Variants in ABHD12 observed in about 807,000 individuals in gnomAD.
ABHD12 encodes lysophosphatidylserine lipase ABHD12.
In ABHD12, 43 loss-of-function variants were observed where a neutral mutation model predicts 58.3. That is an observed-to-expected ratio of 0.74 (90% CI 0.58 to 0.95). The LOEUF is 0.95. ABHD12 is among the 40% of genes least tolerant of loss of function. The pLI is 0.00. For missense variants in ABHD12, 539 were observed against 537.2 expected (o/e 1.00, Z -0.03); for synonymous variants, 219 against 211.2 (o/e 1.04, Z -0.32).
intron 1 of ABHD12, among the ~76,000 whole-genome samples, chr20:25,376,602 C>G (rs917204957): frequency 2.0e-5 from 3 of 152,186 alleles, no homozygotes; most frequent in African/African-American, 7.2e-5. Flanking sequence ...AGCCACATAA[C>G]CTTACCTTGC....
downstream of ABHD12, chr20:25,295,556 G>A (rs1043777966): frequency 1.3e-6 from 2 of 1,571,364 alleles, no homozygotes; most frequent in African/African-American, 2.7e-5. Flanking sequence ...GGACAGTGTG[G>A]GCAGGGCTCC....
chr20:25,347,273 T>C lies in ABHD12; in HGVS notation c.192-7922A>G, dbSNP rs577348199. Reference sequence around the variant, plus strand: ...TCATAAGGGACAGGAGTTTGTCATCTGGAAATACTGCCAGCATGCTGTTTT... The same window carrying C: ...TCATAAGGGACAGGAGTTTGTCATCCGGAAATACTGCCAGCATGCTGTTTT... On this transcript the variant is annotated intron_variant, in intron 1 of 12. Transcript: ENST00000339157. 4.9e-4 allele frequency among the ~76,000 whole-genome samples: 74 copies of C among 152,328 alleles called. 1 individual carries two copies. Among genetic ancestry groups the C allele is most frequent in the African/African-American group, 1.7e-3 (70 of 41,572 alleles).
intron 1 of ABHD12, among the ~76,000 whole-genome samples, chr20:25,344,838 A>G (rs1398899322): frequency 6.6e-6 from 1 of 152,218 alleles, no homozygotes; most frequent in African/African-American, 2.4e-5. Context: ...AAATAGACCC[A>G]CATAACTATA....
intron 1 of ABHD12, among the ~76,000 whole-genome samples, chr20:25,353,910 C>T (rs1388761274): frequency 6.6e-6 from 1 of 152,124 alleles, no homozygotes; most frequent in Non-Finnish European, 1.5e-5. Flanking sequence ...ACTAACGTGC[C>T]ACCACCTGCA....
At chr20:25,312,997 C>G (rs1357645669) in intron 6 of ABHD12, among the ~76,000 whole-genome samples, 2 of 151,934 alleles carry the variant, frequency 1.3e-5, no homozygotes, top group African/African-American at 4.8e-5. Flanking sequence ...GCCACCCCGT[C>G]TGGGAGGTGG....
chr20:25,356,114 T>A (rs555151742), intron 1 of ABHD12, among the ~76,000 whole-genome samples: 1 of 152,316 alleles, frequency 6.6e-6, no homozygotes, highest in Admixed American at 6.5e-5. Flanking sequence ...TTGGTGGTGA[T>A]GAAGAAGGGC....
chr20:25,370,695 C>T (rs754812751), intron 1 of ABHD12, among the ~76,000 whole-genome samples: 2 of 152,148 alleles, frequency 1.3e-5, no homozygotes, highest in Non-Finnish European at 2.9e-5. Flanking sequence ...CATGCCTTGG[C>T]TTCCTCATCT....
intron 1 of ABHD12, among the ~76,000 whole-genome samples, chr20:25,383,162 C>A: frequency 6.6e-6 from 1 of 152,166 alleles, no homozygotes; most frequent in East Asian, 1.9e-4. Flanking sequence ...TGATACTGAA[C>A]CTCGGGAAGG....
rs2146160499 is a variant in ABHD12 at position 25,390,477 on chromosome 20, G to GGGCCCCCC, written c.191+35_191+36insGGGGGGCC. 42 of 102,740 alleles carry GGGCCCCCC rather than the reference G, an allele frequency of 4.1e-4. No homozygotes were observed. In the East Asian group the frequency reaches 8.4e-3, roughly 21 times the overall value. 6.4% of individuals were successfully genotyped at this position (102,740 alleles called of 1,614,324 possible). ...CGCACCTGCGCAAAGTGAGGGACCG[G>GGGCCCCCC]CCCCCCCCCCCCCCCCGCTCCGCGC... On this transcript the variant is annotated intron_variant, in intron 1 of 12. Coordinates refer to ENST00000339157, the MANE Select transcript of ABHD12 (RefSeq NM_001042472.3).
intron 2 of ABHD12, 56 bp from the exon 3 acceptor site, chr20:25,323,486 T>C: frequency 1.8e-6 from 2 of 1,113,024 alleles, no homozygotes; most frequent in Non-Finnish European, 1.4e-6. Context: ...TACACACATG[T>C]ACACACAAAC....
At chr20:25,343,553 C>T (rs1486546958) in intron 1 of ABHD12, among the ~76,000 whole-genome samples, 1 of 152,164 alleles carries the variant, frequency 6.6e-6, no homozygotes, top group Non-Finnish European at 1.5e-5. Flanking sequence ...GCCTGTAATT[C>T]CAGCACTTTG....
At chr20:25,376,252 G>C (rs1238500238) in intron 1 of ABHD12, among the ~76,000 whole-genome samples, 2 of 152,216 alleles carry the variant, frequency 1.3e-5, no homozygotes, top group African/African-American at 4.8e-5. Context: ...GAAGGAACAA[G>C]AGAGTAACGC....
intron 6 of ABHD12, among the ~76,000 whole-genome samples, chr20:25,312,415 G>A (rs552215656): frequency 2.0e-5 from 3 of 152,284 alleles, no homozygotes; most frequent in Admixed American, 2.0e-4. Context: ...TCCTAACCGC[G>A]AGTGATCTGC....
chr20:25,306,180 CAAAAA>C (rs11474922), intron 10 of ABHD12, among the ~76,000 whole-genome samples: 1 of 137,596 alleles, frequency 7.3e-6, no homozygotes, highest in South Asian at 2.3e-4. Flanking sequence ...AAAACAAAAA[CAAAAA>C]AAAAAAAAAG....
intron 1 of ABHD12, 29 bp downstream of exon 1, chr20:25,390,484 C>T (rs1386303645): frequency 5.7e-6 from 7 of 1,229,844 alleles, no homozygotes; most frequent in Non-Finnish European, 6.3e-6. Flanking sequence ...CCGGCCCCCC[C>T]CCCCCCCCCG....
intron 1 of ABHD12, among the ~76,000 whole-genome samples, chr20:25,376,576 C>T (rs2089965342): frequency 6.6e-6 from 1 of 152,216 alleles, no homozygotes; most frequent in Non-Finnish European, 1.5e-5. Flanking sequence ...GGCATGTTTT[C>T]AGGTGCTTTA....
intron 1 of ABHD12, among the ~76,000 whole-genome samples, chr20:25,369,368 C>T (rs2089868630): frequency 6.6e-6 from 1 of 152,258 alleles, no homozygotes; most frequent in African/African-American, 2.4e-5. Flanking sequence ...GCTACCAAAT[C>T]TAAGAGGCCT....
chr20:25,334,597 C>A (rs1174448261), intron 2 of ABHD12, among the ~76,000 whole-genome samples: 1 of 151,810 alleles, frequency 6.6e-6, no homozygotes, highest in Non-Finnish European at 1.5e-5. Flanking sequence ...GTACTGGTAC[C>A]AAAACAGAGA....
chr20:25,377,308 A>G (rs1258410817), intron 1 of ABHD12, among the ~76,000 whole-genome samples: 1 of 152,200 alleles, frequency 6.6e-6, no homozygotes, highest in East Asian at 1.9e-4. Flanking sequence ...CCAGCAATGC[A>G]TTTTGCATTA....
Sources: gnomAD v4.1 joint callset for allele counts (sites outside exome capture counted in the v4.1 genomes callset) on GRCh38, gnomAD v4.1.1 for gene constraint, MANE v1.5 for transcripts, NCBI Gene and HGNC (gene_info 2026-07-23, HGNC 2026-07-21) for gene names.